A1CF: variants seen among roughly 807,000 people sequenced by gnomAD.
The protein encoded by A1CF is APOBEC-1 stimulating protein.
A1CF carries 48 observed loss-of-function variants against 68.9 expected under a neutral mutation model. The ratio of observed to expected loss-of-function variants is 0.70; its 90% CI spans 0.55 to 0.89. The LOEUF (loss-of-function observed/expected upper bound fraction) is 0.89, where lower values mean the gene tolerates loss of function less well. Ranked by LOEUF, A1CF falls within the 40% of genes least tolerant of loss-of-function variation. The pLI, the probability that A1CF is intolerant of heterozygous loss-of-function variation, is 0.00. For synonymous variants in A1CF, 272 were observed against 260.4 expected (o/e 1.04, Z -0.43); for missense variants, 653 against 718.9 (o/e 0.91, Z 1.05).
chr10:50,867,812 G>T (rs17500631), intron 1 of A1CF, among the ~76,000 whole-genome samples: 18,528 of 152,144 alleles, frequency 0.12, 1,415 homozygotes, highest in Non-Finnish European at 0.17. Flanking sequence ...TTAACAAAAG[G>T]ATCAGCAAAT....
At position 50,805,605 on chromosome 10, in the gene A1CF, TG is replaced by T. The variant is rs1431834999; in HGVS notation, c.*1123del. ...GCTTCAAGACAAAAGGACTCAGGTA[TG>T]GTGAAGCTGCCTGATACTTACTGAA... is the stretch of plus-strand genomic sequence containing the variant. On this transcript the variant is annotated 3_prime_UTR_variant, in exon 13 of 13. Coordinates refer to ENST00000373997, the MANE Select transcript of A1CF (RefSeq NM_014576.4). 1.3e-5 allele frequency: 2 copies of T among 152,222 alleles called. No individual in the cohort carries two copies. Among genetic ancestry groups the T allele is most frequent in the East Asian group, 3.8e-4 (2 of 5,196 alleles). The allele number at this position is 152,222 out of a possible 1,614,324, so 9.4% of individuals were successfully genotyped here. A position where few individuals can be genotyped will look rare whatever the true frequency, so the allele number is the denominator to read the frequency against.
At chr10:50,841,367 G>A (rs551573288) in intron 5 of A1CF, among the ~76,000 whole-genome samples, 2 of 152,208 alleles carry the variant, frequency 1.3e-5, no homozygotes, top group South Asian at 4.1e-4. Context: ...CTCCTTTCCT[G>A]AAATAACCTT....
intron 8 of A1CF, among the ~76,000 whole-genome samples, chr10:50,818,037 A>G (rs1284805211): frequency 1.3e-5 from 2 of 152,186 alleles, no homozygotes; most frequent in East Asian, 3.9e-4. Flanking sequence ...GCTTATAATG[A>G]CTTGTCCTTC....
chr10:50,806,650 G>C lies in A1CF; in HGVS notation c.*79C>G. ...GAAACATATTATTTATGATCATTGG[G>C]GACCGAGTTAGAGGTTTATTTCTTT... On this transcript the variant is annotated 3_prime_UTR_variant, in exon 13 of 13. Transcript: ENST00000373997. 1 of 1,331,628 alleles carries C rather than the reference G, an allele frequency of 7.5e-7. No individual in the cohort carries two copies. Among genetic ancestry groups the C allele is most frequent in the Non-Finnish European group, 1.0e-6 (1 of 996,252 alleles). The allele number at this position is 1,331,628 out of a possible 1,614,324, so 82.5% of individuals were successfully genotyped here. A position where few individuals can be genotyped will look rare whatever the true frequency, so the allele number is the denominator to read the frequency against.
chr10:50,829,637 T>G (rs1347596403), intron 6 of A1CF, among the ~76,000 whole-genome samples: 1 of 152,218 alleles, frequency 6.6e-6, no homozygotes, highest in Non-Finnish European at 1.5e-5. Context: ...CATCTTGTTC[T>G]GTGTTGCATT....
chr10:50,831,483 C>G (rs1015279509), intron 6 of A1CF, among the ~76,000 whole-genome samples: 4 of 152,116 alleles, frequency 2.6e-5, no homozygotes, highest in Admixed American at 2.6e-4. Flanking sequence ...AATCCCAGCA[C>G]TTTGGGAGGC....
At chr10:50,845,083 A>C (rs983816426) in intron 3 of A1CF, among the ~76,000 whole-genome samples, 1 of 152,180 alleles carries the variant, frequency 6.6e-6, no homozygotes, top group Non-Finnish European at 1.5e-5. Flanking sequence ...ATAACTTAAA[A>C]AGATATCATA....
chr10:50,831,451 G>A (rs113588518), intron 6 of A1CF, among the ~76,000 whole-genome samples: 1,747 of 152,250 alleles, frequency 0.011, 26 homozygotes, highest in African/African-American at 0.04. Context: ...GCAAAAGGCC[G>A]GGCGTGGTGG....
chr10:50,806,554 GA>G lies in A1CF; in HGVS notation c.*174del, dbSNP rs780388027. The G allele has an allele frequency of 6.1e-4, 297 of 488,736 alleles. 1 individual carries two copies. The highest frequency in any genetic ancestry group is 6.5e-4 in the Non-Finnish European group (204 of 312,908). 30.3% of individuals were successfully genotyped at this position (488,736 alleles called of 1,614,324 possible). On this transcript the variant is annotated 3_prime_UTR_variant, in exon 13 of 13. Coordinates refer to ENST00000373997, the MANE Select transcript of A1CF (RefSeq NM_014576.4). ...CTCTTTAACATTTGATTTCATTTCAGAATAACGTTCTTACTTCATGATTCTA... is the reference window on the plus strand; with the variant it reads ...CTCTTTAACATTTGATTTCATTTCAGATAACGTTCTTACTTCATGATTCTA...
intron 3 of A1CF, chr10:50,850,694 A>G (rs1452864393): frequency 1.2e-6 from 2 of 1,613,948 alleles, no homozygotes; most frequent in Non-Finnish European, 1.7e-6. Context: ...AAAATGATGG[A>G]CTGCAAAGCA....
rs1837820625 is a variant in A1CF, at chr10:50,806,433, C to A, written c.*296G>T. The A allele has an allele frequency of 5.4e-6, 1 of 183,628 alleles. No individual in the cohort carries two copies. The allele number at this position is 183,628 out of a possible 1,614,324, so 11.4% of individuals were successfully genotyped here. On this transcript the variant is annotated 3_prime_UTR_variant, in exon 13 of 13. Coordinates refer to ENST00000373997, the MANE Select transcript of A1CF (RefSeq NM_014576.4). ...GCCAGCTACAAGATCTCTCTTCACC[C>A]TGGCAGGATTTGTAAACATACTCCC... is the stretch of plus-strand genomic sequence containing the variant.
In A1CF at chr10:50,809,940, G is replaced by A. The variant is rs777970091; in HGVS notation, c.1563C>T (p.Gly521=). 1.9e-5 allele frequency: 30 copies of A among 1,613,870 alleles called. No individual in the cohort carries two copies. The highest frequency in any genetic ancestry group is 2.2e-5 in the East Asian group (1 of 44,872). ...LQTLGIPTDG[G]DGTMATAAAA... ...CAGCAGCAGTAGCCATGGTGCCATC[G>A]CCTCCATCAGTGGGGATGCCCAGGG... Residue 521 remains glycine, a synonymous_variant, in exon 12 of 13, where the codon GGC becomes GGT. Coordinates refer to ENST00000373997, the MANE Select transcript of A1CF (RefSeq NM_014576.4).
chr10:50,804,351 C>A lies in A1CF; in HGVS notation c.*2378G>T, dbSNP rs1039732133. On this transcript the variant is annotated 3_prime_UTR_variant, in exon 13 of 13. Coordinates refer to ENST00000373997, the MANE Select transcript of A1CF (RefSeq NM_014576.4). ...TAAAAAGATTCATGTATTAACTAATCTTTTCATTGCGATTAAATTTAAAAC... is the reference window on the plus strand; with the variant it reads ...TAAAAAGATTCATGTATTAACTAATATTTTCATTGCGATTAAATTTAAAAC... 2.6e-5 allele frequency: 4 copies of A among 152,118 alleles called. No homozygotes were observed. The East Asian group carries it at 7.7e-4, about 29-fold the overall frequency. The allele number at this position is 152,118 out of a possible 1,614,324, so 9.4% of individuals were successfully genotyped here.
chr10:50,872,480 T>C (rs1289767889), intron 1 of A1CF, among the ~76,000 whole-genome samples: 3 of 152,004 alleles, frequency 2.0e-5, no homozygotes. Flanking sequence ...AATTACTAAT[T>C]TTACTTCTTT....
intron 1 of A1CF, among the ~76,000 whole-genome samples, chr10:50,869,955 G>C (rs1261380375): frequency 6.6e-6 from 1 of 151,592 alleles, no homozygotes; most frequent in Non-Finnish European, 1.5e-5. Flanking sequence ...GTTAATAAAT[G>C]GATGTTAATG....
chr10:50,844,171 T>G (rs1839898467), intron 3 of A1CF, 49 bp from the exon 4 acceptor site: 1 of 1,583,776 alleles, frequency 6.3e-7, no homozygotes, highest in Non-Finnish European at 8.5e-7. Flanking sequence ...GATCAAGACT[T>G]TAATTCAATT....
At chr10:50,827,593 A>G (rs903541057) in intron 7 of A1CF, among the ~76,000 whole-genome samples, 4 of 152,214 alleles carry the variant, frequency 2.6e-5, no homozygotes, top group African/African-American at 9.7e-5. Flanking sequence ...GATGAGAACA[A>G]AGACATACAT....
chr10:50,821,578 C>G (rs1167712283), intron 7 of A1CF, among the ~76,000 whole-genome samples: 1 of 151,860 alleles, frequency 6.6e-6, no homozygotes, highest in Non-Finnish European at 1.5e-5. Flanking sequence ...TCTTGTTGCC[C>G]AGGCTAGAGT....
At chr10:50,843,239 T>G (rs951788688) in intron 4 of A1CF, among the ~76,000 whole-genome samples, 32 of 152,282 alleles carry the variant, frequency 2.1e-4, no homozygotes, top group Middle Eastern at 6.8e-3. Flanking sequence ...CATTTTCAGA[T>G]TCAGTATATA....
Sources: allele counts gnomAD v4.1 joint callset (sites outside exome capture counted in the v4.1 genomes callset), GRCh38; gene constraint gnomAD v4.1.1; transcripts MANE v1.5; gene names NCBI Gene and HGNC (gene_info 2026-07-23, HGNC 2026-07-21).